PTPRM: variants seen among roughly 807,000 people sequenced by gnomAD.
PTPRM encodes the protein protein tyrosine phosphatase receptor type M.
In PTPRM, 47 loss-of-function variants were observed where a neutral mutation model predicts 186.7. That is an observed-to-expected ratio of 0.25 (90% CI 0.20 to 0.32). The LOEUF (loss-of-function observed/expected upper bound fraction) is 0.32, where lower values mean the gene tolerates loss of function less well. PTPRM is among the 10% of genes least tolerant of loss of function. The pLI is 1.00. For missense variants in PTPRM, 1,494 were observed against 1,865.0 expected (o/e 0.80, Z 3.66); for synonymous variants, 668 against 674.9 (o/e 0.99, Z 0.16).
rs568150148 is a variant in PTPRM at position 7,896,332 on chromosome 18, C to T, written c.468+7955C>T. 1.3e-4 allele frequency among the ~76,000 whole-genome samples: 20 copies of T among 152,272 alleles called. 1 individual carries two copies. In the South Asian group the frequency reaches 4.1e-3, roughly 32 times the overall value. On this transcript the variant is annotated intron_variant, in intron 3 of 32. Coordinates refer to ENST00000580170, the MANE Select transcript of PTPRM (RefSeq NM_001105244.2). The stretch of plus-strand genomic sequence containing the variant: ...CGCCTCCTGTTTCCCACCCCTACAC[C>T]CTGAGGCAAAGGAGCTAGCCACAGA...
intron 1 of PTPRM, among the ~76,000 whole-genome samples, chr18:7,639,177 C>A (rs2038386324): frequency 6.6e-6 from 1 of 151,898 alleles, no homozygotes; most frequent in South Asian, 2.1e-4. Flanking sequence ...AGGGTTCACG[C>A]CATTCTCCTG....
intron 2 of PTPRM, among the ~76,000 whole-genome samples, chr18:7,790,462 G>A (rs1050715355): frequency 5.3e-5 from 8 of 152,124 alleles, no homozygotes; most frequent in African/African-American, 1.9e-4. Flanking sequence ...TCAGCATAGC[G>A]GCTAGAGAGC....
intron 14 of PTPRM, among the ~76,000 whole-genome samples, chr18:8,172,433 G>A (rs2093416427): frequency 6.6e-6 from 1 of 151,894 alleles, no homozygotes. Context: ...ACTGTTTCAA[G>A]ACCCAGAGCT....
chr18:7,577,198 A>G (rs1201543008), intron 1 of PTPRM, among the ~76,000 whole-genome samples: 1 of 152,194 alleles, frequency 6.6e-6, no homozygotes, highest in Non-Finnish European at 1.5e-5. Flanking sequence ...GTGTATAGAG[A>G]CACAGTTGCT....
At chr18:7,701,271 G>A (rs1056154593) in intron 1 of PTPRM, among the ~76,000 whole-genome samples, 8 of 133,084 alleles carry the variant, frequency 6.0e-5, no homozygotes, top group Admixed American at 7.9e-5. Flanking sequence ...ACCACTGCAC[G>A]CCAACTGGGA....
At chr18:8,132,947 C>A (rs1269003311) in intron 13 of PTPRM, among the ~76,000 whole-genome samples, 1 of 152,130 alleles carries the variant, frequency 6.6e-6, no homozygotes, top group African/African-American at 2.4e-5. Flanking sequence ...TACCACAAAT[C>A]AGGTCATTTA....
intron 7 of PTPRM, among the ~76,000 whole-genome samples, chr18:8,036,419 A>G (rs1030604586): frequency 3.3e-5 from 5 of 152,190 alleles, no homozygotes; most frequent in African/African-American, 1.2e-4. Context: ...TTAACACTAA[A>G]ACAGTGGGAA....
At chr18:8,093,191 A>G (rs970279677) in intron 11 of PTPRM, among the ~76,000 whole-genome samples, 1 of 151,940 alleles carries the variant, frequency 6.6e-6, no homozygotes, top group Non-Finnish European at 1.5e-5. Flanking sequence ...AAGGAAAGAG[A>G]TGTTCAGTCC....
At chr18:7,952,346 C>A (rs1448135657) in intron 6 of PTPRM, among the ~76,000 whole-genome samples, 1 of 151,992 alleles carries the variant, frequency 6.6e-6, no homozygotes, top group South Asian at 2.1e-4. Flanking sequence ...AAGATTCTTG[C>A]CTTCTCCTTC....
chr18:7,763,906 C>G (rs1227582274), intron 1 of PTPRM, among the ~76,000 whole-genome samples: 1 of 151,394 alleles, frequency 6.6e-6, no homozygotes, highest in African/African-American at 2.4e-5. Flanking sequence ...ATTTGTAAAT[C>G]ACACTAAACT....
Position 8,379,274 on chromosome 18 carries a change from C to T in PTPRM, c.3720C>T (p.Arg1240=). The change falls in exon 28 of 33, where the codon CGC becomes CGT. Residue 1240 remains arginine (R), a synonymous_variant. Transcript: ENST00000580170. ...GCATGGACATCCTGCCCCCAGACCG[C>T]TGCCTGCCCTTCCTCATCACCATCG... ...NRCMDILPPD[R]CLPFLITIDG... The T allele has an allele frequency of 1.2e-6, 2 of 1,614,158 alleles. No homozygotes were observed. Among genetic ancestry groups the T allele is most frequent in the Non-Finnish European group, 1.7e-6 (2 of 1,180,016 alleles).
At chr18:8,292,054 C>G (rs1239219885) in intron 19 of PTPRM, among the ~76,000 whole-genome samples, 2 of 152,148 alleles carry the variant, frequency 1.3e-5, no homozygotes, top group Non-Finnish European at 2.9e-5. Flanking sequence ...CTGTACTTGC[C>G]CTGAGAATTG....
chr18:7,833,502 C>T (rs1003242382), intron 2 of PTPRM, among the ~76,000 whole-genome samples: 2 of 152,048 alleles, frequency 1.3e-5, no homozygotes, highest in African/African-American at 2.4e-5. Context: ...GTGAGGCCAA[C>T]GTGGGCAGAT....
chr18:8,178,613 G>A (rs1378236538), intron 14 of PTPRM, among the ~76,000 whole-genome samples: 4 of 151,648 alleles, frequency 2.6e-5, no homozygotes, highest in South Asian at 2.1e-4. Context: ...GTGAAACCTC[G>A]TCTCTACTAA....
intron 19 of PTPRM, among the ~76,000 whole-genome samples, chr18:8,296,053 C>A (rs1391032295): frequency 2.0e-5 from 3 of 152,114 alleles, no homozygotes; most frequent in Non-Finnish European, 4.4e-5. Flanking sequence ...ACATTAATTT[C>A]TCTGTATTAA....
intron 17 of PTPRM, among the ~76,000 whole-genome samples, chr18:8,250,125 C>A (rs1467214841): frequency 6.6e-6 from 1 of 152,144 alleles, no homozygotes; most frequent in East Asian, 1.9e-4. Context: ...CAATTAAATT[C>A]TCTGGCACCT....
At chr18:7,772,254 C>CTT (rs952986797) in intron 1 of PTPRM, among the ~76,000 whole-genome samples, 2 of 129,450 alleles carry the variant, frequency 1.5e-5, no homozygotes, top group Non-Finnish European at 3.6e-5. Context: ...TTTTTCTTTT[C>CTT]TTTTCTTTTC....
intron 31 of PTPRM, among the ~76,000 whole-genome samples, chr18:8,390,513 G>A (rs2095804049): frequency 1.3e-5 from 2 of 152,206 alleles, no homozygotes; most frequent in Admixed American, 6.5e-5. Context: ...TATAATACAT[G>A]TGTCTGACAA....
intron 1 of PTPRM, among the ~76,000 whole-genome samples, chr18:7,594,131 C>G (rs1278576853): frequency 1.3e-5 from 2 of 152,086 alleles, no homozygotes; most frequent in African/African-American, 4.8e-5. Flanking sequence ...GAAAAAGTAA[C>G]AAATTCAAAT....
Sources: gnomAD v4.1 joint callset for allele counts (sites outside exome capture counted in the v4.1 genomes callset) on GRCh38, gnomAD v4.1.1 for gene constraint, MANE v1.5 for transcripts, NCBI Gene and HGNC (gene_info 2026-07-23, HGNC 2026-07-21) for gene names.